The following SPECC1L variants were observed in gnomAD, a reference collection of about 807,000 sequenced individuals.
SPECC1L encodes sperm antigen with calponin homology and coiled-coil domains 1 like.
A neutral mutation model predicts 116.8 loss-of-function variants in SPECC1L; 40 were observed. The ratio of observed to expected loss-of-function variants is 0.34; its 90% CI spans 0.27 to 0.45. The LOEUF (loss-of-function observed/expected upper bound fraction) is 0.45. SPECC1L is among the 20% of genes least tolerant of loss of function. SPECC1L has a pLI of 1.00. For missense variants in SPECC1L, 1,110 were observed against 1,373.6 expected, an observed-to-expected ratio of 0.81 and a Z score of 3.03; for synonymous variants, 504 against 500.6, an observed-to-expected ratio of 1.01 and a Z score of -0.09.
intron 11 of SPECC1L, among the ~76,000 whole-genome samples, chr22:24,361,140 G>A (rs1379209014): frequency 6.6e-6 from 1 of 152,204 alleles, no homozygotes; most frequent in Non-Finnish European, 1.5e-5. Context: ...GCTCATGCCT[G>A]TAATCCCAGC....
chr22:24,349,239 C>T (rs1045306061), intron 11 of SPECC1L, among the ~76,000 whole-genome samples: 1 of 152,152 alleles, frequency 6.6e-6, no homozygotes, highest in African/African-American at 2.4e-5. Context: ...CGGGGTTTTG[C>T]CATGTTGGCC....
At chr22:24,324,719 C>T (rs866449348) in intron 6 of SPECC1L, among the ~76,000 whole-genome samples, 1 of 152,154 alleles carries the variant, frequency 6.6e-6, no homozygotes, top group Non-Finnish European at 1.5e-5. Flanking sequence ...GGTGTGGTGC[C>T]AGGTGCCTGT....
At chr22:24,361,585 C>T (rs2041644535) in intron 11 of SPECC1L, among the ~76,000 whole-genome samples, 1 of 151,808 alleles carries the variant, frequency 6.6e-6, no homozygotes, top group African/African-American at 2.4e-5. Flanking sequence ...CCAGGAGGCT[C>T]AAGAGTTTGA....
chr22:24,321,568 C>T lies in SPECC1L; in HGVS notation c.588C>T (p.Asp196=), dbSNP rs769342341. 18 of 1,614,158 alleles carry T rather than the reference C, an allele frequency of 1.1e-5. No homozygotes were observed. Among genetic ancestry groups the T allele is most frequent in the Middle Eastern group, 3.3e-4 (2 of 6,062 alleles). ...KDLLTLAKTK[D]VEILHLRNEL... ...TTCTCACGCTGGCAAAAACCAAAGA[C>T]GTAGAAATTTTACATTTGAGAAATG... The change falls in exon 5 of 17, where the codon GAC becomes GAT. Residue 196 remains aspartate, a synonymous_variant. Coordinates refer to ENST00000314328, the MANE Select transcript of SPECC1L (RefSeq NM_015330.6).
At chr22:24,371,980 G>C in intron 14 of SPECC1L, among the ~76,000 whole-genome samples, 1 of 152,118 alleles carries the variant, frequency 6.6e-6, no homozygotes, top group Non-Finnish European at 1.5e-5. Flanking sequence ...CTCAGCCTCC[G>C]AAACTGCTGG....
At chr22:24,412,379 T>C (rs2042715816) in intron 15 of SPECC1L, 1 of 546,804 alleles carries the variant, frequency 1.8e-6, no homozygotes, top group South Asian at 2.0e-5. Context: ...TGCCACAGCA[T>C]TGGTGCGGCA....
intron 3 of SPECC1L, among the ~76,000 whole-genome samples, chr22:24,303,844 G>GGTGTGTGTGTGTGT (rs3031935): frequency 3.1e-4 from 45 of 144,092 alleles, no homozygotes; most frequent in South Asian, 1.3e-3. Flanking sequence ...GTTTAAATAG[G>GGTGTGTGTGTGTGT]GTGTGTGTGT....
At chr22:24,395,728 C>T (rs1233684487) in intron 14 of SPECC1L, among the ~76,000 whole-genome samples, 1 of 152,084 alleles carries the variant, frequency 6.6e-6, no homozygotes, top group Non-Finnish European at 1.5e-5. Flanking sequence ...ACCTCTGCCT[C>T]CCAGTTTCAA....
In SPECC1L at chr22:24,343,913, A is replaced by T. The variant is rs74571503; in HGVS notation, c.2653-3173A>T. On this transcript the variant is annotated intron_variant, in intron 10 of 16. Coordinates refer to ENST00000314328, the MANE Select transcript of SPECC1L (RefSeq NM_015330.6). ...TGAGGAGTATATGGGACTTTGCTGT[A>T]CTATCTTTACAACTTCCTGGGAATC... Among the ~76,000 whole-genome samples the T allele has an allele frequency of 7.3e-3, 1,116 of 152,328 alleles. 6 individuals carry two copies. Among genetic ancestry groups the T allele is most frequent in the South Asian group, 0.012 (60 of 4,830 alleles).
At chr22:24,279,649 C>G (rs1421672849) in intron 2 of SPECC1L, among the ~76,000 whole-genome samples, 2 of 151,980 alleles carry the variant, frequency 1.3e-5, no homozygotes, top group Non-Finnish European at 2.9e-5. Flanking sequence ...ATGGTGCAAT[C>G]ACAGCTCACT....
intron 14 of SPECC1L, among the ~76,000 whole-genome samples, chr22:24,380,707 G>T (rs2042049018): frequency 6.6e-6 from 1 of 152,136 alleles, no homozygotes. Flanking sequence ...GAATATTTGT[G>T]TTGAAAACAT....
intron 8 of SPECC1L, 48 bp from the exon 9 acceptor site, chr22:24,334,362 T>C (rs778021008): frequency 6.3e-7 from 1 of 1,597,680 alleles, no homozygotes; most frequent in South Asian, 1.1e-5. Flanking sequence ...AAAATGTGTA[T>C]GTTCTAGTAC....
In SPECC1L at chr22:24,324,322, A is replaced by G; in HGVS notation, c.2041A>G (p.Thr681Ala). 1 of 1,614,144 alleles carries G rather than the reference A, an allele frequency of 6.2e-7. No homozygotes were observed. The highest frequency in any genetic ancestry group is 8.5e-7 in the Non-Finnish European group (1 of 1,179,964). Reference sequence around the variant, plus strand: ...AAGATCAGACCTGGATGAAAAAGAAACAGAAAGGAGTGACATGAAAGAAAC... The same window carrying G: ...AAGATCAGACCTGGATGAAAAAGAAGCAGAAAGGAGTGACATGAAAGAAAC... ...KLRSDLDEKE[T>A]ERSDMKETIF... is the part of the protein sequence containing the mutation. The change falls in exon 6 of 17, where the codon ACA becomes GCA. Residue 681 changes from threonine (T) to alanine (A), a missense_variant. Around this residue, in one of 4 missense-constraint regions of SPECC1L, gnomAD observed 575 missense variants for 682.4 expected, o/e 0.84. Transcript: ENST00000314328.
chr22:24,331,068 GT>G (rs200608507), intron 8 of SPECC1L, among the ~76,000 whole-genome samples: 2 of 151,960 alleles, frequency 1.3e-5, no homozygotes, highest in African/African-American at 2.4e-5. Context: ...TCCACAGTAG[GT>G]TTTTTTTCCC....
At chr22:24,319,104 C>G (rs1049800344) in intron 4 of SPECC1L, among the ~76,000 whole-genome samples, 4 of 152,196 alleles carry the variant, frequency 2.6e-5, no homozygotes, top group Non-Finnish European at 5.9e-5. Flanking sequence ...CATTCCTCCT[C>G]TGCTGCTCTG....
intron 14 of SPECC1L, among the ~76,000 whole-genome samples, chr22:24,411,222 A>G (rs5751866): frequency 5.9e-5 from 9 of 151,630 alleles, no homozygotes; most frequent in Non-Finnish European, 5.9e-5. Flanking sequence ...AAAACAAAAA[A>G]GGGGGGGTCA....
intron 6 of SPECC1L, among the ~76,000 whole-genome samples, chr22:24,327,877 G>A (rs1420109561): frequency 2.0e-5 from 3 of 152,208 alleles, no homozygotes; most frequent in Admixed American, 1.3e-4. Flanking sequence ...GTACAAGGCT[G>A]TGTAAGACAC....
At chr22:24,273,602 TAAG>T (rs1234296032) in intron 1 of SPECC1L, among the ~76,000 whole-genome samples, 2 of 152,330 alleles carry the variant, frequency 1.3e-5, no homozygotes, top group African/African-American at 4.8e-5. Context: ...CTTTTGCTGT[TAAG>T]AAGATTCAAA....
chr22:24,343,981 C>T (rs956570757), intron 10 of SPECC1L, among the ~76,000 whole-genome samples: 2 of 152,014 alleles, frequency 1.3e-5, no homozygotes, highest in African/African-American at 4.8e-5. Context: ...AAAGGCTTCC[C>T]ACATAGAAAA....
Sources: gnomAD v4.1 joint callset for allele counts (sites outside exome capture counted in the v4.1 genomes callset) on GRCh38, gnomAD v4.1.1 for gene constraint, gnomAD v4.1.1 regional missense constraint, MANE v1.5 for transcripts, NCBI Gene and HGNC (gene_info 2026-07-23, HGNC 2026-07-21) for gene names.